The following SCN8A variants were observed in gnomAD, a reference collection of about 807,000 sequenced individuals.
SCN8A encodes sodium voltage-gated channel alpha subunit 8.
A neutral mutation model predicts 184.1 loss-of-function variants in SCN8A; 30 were observed. That is an observed-to-expected ratio of 0.16 (90% CI 0.12 to 0.22). The LOEUF (loss-of-function observed/expected upper bound fraction) is 0.22. Among genes scored for constraint, SCN8A ranks in the 10% least tolerant of loss-of-function variants. The probability of loss-of-function intolerance (pLI) is 1.00; values close to 1 mark genes in which losing one functional copy is unlikely to be tolerated. For synonymous variants in SCN8A, 852 were observed against 907.0 expected, an observed-to-expected ratio of 0.94 and a Z score of 1.09; for missense variants, 1,057 against 2,498.9, an observed-to-expected ratio of 0.42 and a Z score of 12.30.
At chr12:51,799,401 T>G (rs1044169087) in intron 26 of SCN8A, among the ~76,000 whole-genome samples, 6 of 152,164 alleles carry the variant, frequency 3.9e-5, no homozygotes, top group African/African-American at 1.4e-4. Flanking sequence ...TGACCCATGG[T>G]CAAACGTTCA....
intron 1 of SCN8A, among the ~76,000 whole-genome samples, chr12:51,598,672 G>A (rs753724231): frequency 1.2e-4 from 19 of 152,064 alleles, no homozygotes; most frequent in Non-Finnish European, 2.5e-4. Flanking sequence ...CAAAAAGTTC[G>A]AAGTTAAGTC....
At chr12:51,736,128 A>T (rs952425779) in intron 12 of SCN8A, among the ~76,000 whole-genome samples, 7 of 152,172 alleles carry the variant, frequency 4.6e-5, no homozygotes, top group Admixed American at 3.9e-4. Flanking sequence ...CATTCTTTCC[A>T]CTATGGCTTG....
intron 1 of SCN8A, among the ~76,000 whole-genome samples, chr12:51,618,123 C>A (rs1939879958): frequency 6.6e-6 from 1 of 152,090 alleles, no homozygotes; most frequent in Non-Finnish European, 1.5e-5. Context: ...CTTCCTATGA[C>A]CACATCTCCC....
In SCN8A at chr12:51,788,547, A is replaced by G. The variant is rs1208256689; in HGVS notation, c.4228-148A>G. ...AAGCCCTCCTGGGACCTGTAGTAACAAACAGAAAATTCTGTGTCCAAGGGA... is the reference window on the plus strand; with the variant it reads ...AAGCCCTCCTGGGACCTGTAGTAACGAACAGAAAATTCTGTGTCCAAGGGA... On this transcript the variant is annotated intron_variant, in intron 22 of 26. Transcript: ENST00000627620. The G allele has an allele frequency of 1.3e-5, 6 of 457,362 alleles. No individual in the cohort carries two copies. The South Asian group carries it at 2.5e-4, about 19-fold the overall frequency. 28.3% of individuals were successfully genotyped at this position (457,362 alleles called of 1,614,324 possible). A position where few individuals can be genotyped will look rare whatever the true frequency, so the allele number is the denominator to read the frequency against.
chr12:51,780,795 C>A (rs771357117), intron 21 of SCN8A, 24 bp downstream of exon 21: 18 of 1,559,816 alleles, frequency 1.2e-5, no homozygotes, highest in Non-Finnish European at 1.2e-5. Context: ...AGCAGCTGAT[C>A]CTTCTGCATG....
At chr12:51,798,579 G>A (rs1351539232) in intron 26 of SCN8A, among the ~76,000 whole-genome samples, 2 of 152,196 alleles carry the variant, frequency 1.3e-5, no homozygotes, top group African/African-American at 2.4e-5. Context: ...GCCTTGATGA[G>A]TGGGAGTCCA....
chr12:51,776,422 C>T (rs1937695452), intron 20 of SCN8A, among the ~76,000 whole-genome samples: 1 of 152,188 alleles, frequency 6.6e-6, no homozygotes, highest in Non-Finnish European at 1.5e-5. Flanking sequence ...CCAACTGGCT[C>T]CTGTGAAGAC....
chr12:51,594,619 G>A (rs553960651), intron 1 of SCN8A, among the ~76,000 whole-genome samples: 13 of 152,254 alleles, frequency 8.5e-5, no homozygotes, highest in African/African-American at 3.1e-4. Flanking sequence ...AAAATCCAAA[G>A]TATATCCAGA....
rs2138648024 is a variant in SCN8A at position 51,649,229 on chromosome 12, A to T, written c.-54-13535A>T. Among the ~76,000 whole-genome samples the T allele has an allele frequency of 2.0e-5, 3 of 152,332 alleles. No homozygotes were observed. The South Asian group carries it at 6.2e-4, about 32-fold the overall frequency. ...CCACCCTTGTGGTTTTGCAGGGTAC[A>T]GCCTTCTTCCCAGCTGCTTTCACAG... On this transcript the variant is annotated intron_variant, in intron 1 of 26. Transcript: ENST00000627620.
At chr12:51,726,885 A>C (rs57438113) in intron 12 of SCN8A, among the ~76,000 whole-genome samples, 3,993 of 152,272 alleles carry the variant, frequency 0.026, 167 homozygotes, top group African/African-American at 0.088. Flanking sequence ...AATTATTTTA[A>C]AGCAAAACAC....
rs554999102 is a variant in SCN8A at position 51,798,230 on chromosome 12, A to G, written c.4795+3589A>G. ...GGTAACACCAGTGAATTCCATGAGC[A>G]TGAACCCACTGCCGCACTTCTTAGC... On this transcript the variant is annotated intron_variant, in intron 26 of 26. Transcript: ENST00000627620. Among the ~76,000 whole-genome samples, 220 of 152,328 alleles carry G rather than the reference A, an allele frequency of 1.4e-3. 1 individual carries two copies. Among genetic ancestry groups the G allele is most frequent in the African/African-American group, 4.9e-3 (205 of 41,586 alleles).
At chr12:51,774,119 G>A in intron 19 of SCN8A, 70 bp from the exon 20 acceptor site, 2 of 1,475,738 alleles carry the variant, frequency 1.4e-6, no homozygotes, top group South Asian at 1.2e-5. Context: ...GGCTCCCTGA[G>A]GATAGCAGTG....
chr12:51,597,060 G>A (rs892202634), intron 1 of SCN8A, among the ~76,000 whole-genome samples: 7 of 152,116 alleles, frequency 4.6e-5, no homozygotes, highest in African/African-American at 1.7e-4. Flanking sequence ...AGGTTGGAGA[G>A]GCTAATAGTT....
intron 12 of SCN8A, among the ~76,000 whole-genome samples, chr12:51,737,247 G>A (rs547438626): frequency 3.3e-5 from 5 of 152,144 alleles, no homozygotes; most frequent in East Asian, 3.9e-4. Context: ...GTTAGAGTCC[G>A]TGAATTAGTA....
chr12:51,598,871 A>G (rs1939404119), intron 1 of SCN8A, among the ~76,000 whole-genome samples: 1 of 152,212 alleles, frequency 6.6e-6, no homozygotes, highest in Non-Finnish European at 1.5e-5. Context: ...TTCTCATTCT[A>G]GATCATCTTA....
chr12:51,735,827 C>T (rs538915764), intron 12 of SCN8A, among the ~76,000 whole-genome samples: 108 of 152,258 alleles, frequency 7.1e-4, no homozygotes, highest in Non-Finnish European at 3.7e-4. Context: ...GTATCCAAAT[C>T]GGCTGTTGAT....
intron 2 of SCN8A, among the ~76,000 whole-genome samples, chr12:51,668,205 A>T (rs1029052217): frequency 6.6e-6 from 1 of 151,884 alleles, no homozygotes; most frequent in Non-Finnish European, 1.5e-5. Flanking sequence ...AAAAAATTAT[A>T]TATAGCTTCC....
rs146762782 is a variant in SCN8A, at chr12:51,807,863, T to C, written c.*434T>C. On this transcript the variant is annotated 3_prime_UTR_variant, in exon 27 of 27. Transcript: ENST00000627620. The surrounding 1 kb of genome is among the most constrained non-coding windows in gnomAD (Gnocchi z 4.5). ...AACTATATTTGCATTCTTACATTAG[T>C]TAAGCTAAGCAGCAAAAAGAAAACA... 5.0e-3 allele frequency: 1,029 copies of C among 204,402 alleles called. 5 individuals are homozygous for C. Among genetic ancestry groups the C allele is most frequent in the African/African-American group, 0.02 (841 of 42,632 alleles). The allele number at this position is 204,402 out of a possible 1,614,324, so 12.7% of individuals were successfully genotyped here. A position where few individuals can be genotyped will look rare whatever the true frequency, so the allele number is the denominator to read the frequency against.
intron 1 of SCN8A, among the ~76,000 whole-genome samples, chr12:51,591,606 C>A (rs1006735519): frequency 2.0e-5 from 3 of 152,150 alleles, no homozygotes; most frequent in Non-Finnish European, 2.9e-5. Flanking sequence ...GACCACCAGT[C>A]CCCACCCCGG....
Sources: gnomAD v4.1 joint callset for allele counts (sites outside exome capture counted in the v4.1 genomes callset) on GRCh38, gnomAD v4.1.1 for gene constraint, Gnocchi (gnomAD v3.1) non-coding constraint, MANE v1.5 for transcripts, NCBI Gene and HGNC (gene_info 2026-07-23, HGNC 2026-07-21) for gene names.